The following ATRX variants were observed in gnomAD, a reference collection of about 807,000 sequenced individuals.
The protein encoded by ATRX is chromatin remodeler ATRX.
A neutral mutation model predicts 172.6 loss-of-function variants in ATRX; 12 were observed. The observed-to-expected ratio is 0.07, with a 90% confidence interval of 0.04 to 0.11. The LOEUF is 0.11. Ranked by LOEUF, ATRX falls within the 10% of genes least tolerant of loss-of-function variation. The pLI is 1.00. For synonymous variants in ATRX, 674 were observed against 594.7 expected (o/e 1.13, Z -1.94); for missense variants, 1,368 against 1,767.4 (o/e 0.77, Z 4.05).
In ATRX at chrX:77,506,232, C is replaced by G. The variant is rs1193222099; in HGVS notation, c.*2119G>C. 1 of 170,218 alleles carries G rather than the reference C, an allele frequency of 5.9e-6. No homozygotes were observed. The highest frequency in any genetic ancestry group is 1.1e-5 in the Non-Finnish European group (1 of 89,020). The allele number at this position is 170,218 out of a possible 1,213,427, so 14.0% of individuals were successfully genotyped here. On this transcript the variant is annotated 3_prime_UTR_variant, in exon 35 of 35. Coordinates refer to ENST00000373344, the MANE Select transcript of ATRX (RefSeq NM_000489.6). ...TATTTTACTGACGTGATTTTTTTGT[C>G]TTTAAATATTTGTTAAAGCTTGATG...
chrX:77,759,253 G>A (rs1434573823), intron 1 of ATRX, among the ~76,000 whole-genome samples: 1 of 110,946 alleles, frequency 9.0e-6, no homozygotes, highest in East Asian at 2.8e-4. Flanking sequence ...GCCAGTGGAA[G>A]TATAAATCAG....
chrX:77,635,941 A>C lies in ATRX; in HGVS notation c.4673T>G (p.Ile1558Ser), dbSNP rs1557107837. The C allele has an allele frequency of 8.3e-7, 1 of 1,206,759 alleles. No individual in the cohort carries two copies. The highest frequency in any genetic ancestry group is 1.1e-6 in the Non-Finnish European group (1 of 891,907). ...PLVQVHRNMV[I>S]KLKPHQVDGV... ...ATCTACTTGATGGGGTTTCAATTTG[A>C]TAACCATATTTCTATGAACCTGCAC... The change falls in exon 16 of 35, where the codon ATC (isoleucine) becomes AGC (serine). Residue 1558 changes from isoleucine to serine, a missense_variant. By Grantham distance (142) the Ile-to-Ser change is moderately radical (BLOSUM62 -2). Around this residue, in one of 17 missense-constraint regions of ATRX, gnomAD observed 27 missense variants for 110.8 expected, o/e 0.24. Transcript: ENST00000373344.
intron 27 of ATRX, among the ~76,000 whole-genome samples, chrX:77,578,957 G>A (rs2065729011): frequency 9.0e-6 from 1 of 111,454 alleles, no homozygotes; most frequent in Non-Finnish European, 1.9e-5. Context: ...ACCAAAAGCT[G>A]ACTAAATAGC....
intron 30 of ATRX, among the ~76,000 whole-genome samples, chrX:77,526,904 C>T (rs2063399952): frequency 8.9e-6 from 1 of 112,537 alleles, no homozygotes; most frequent in Non-Finnish European, 1.9e-5. Flanking sequence ...GGTTCAGCCT[C>T]TAATGATGCA....
At chrX:77,603,347 T>C (rs782074179) in intron 22 of ATRX, among the ~76,000 whole-genome samples, 4 of 110,435 alleles carry the variant, frequency 3.6e-5, no homozygotes, top group Admixed American at 9.6e-5. Context: ...TTGGGTAGTA[T>C]GGTCATTTTA....
At chrX:77,764,872 T>C (rs1196019105) in intron 1 of ATRX, among the ~76,000 whole-genome samples, 1 of 111,829 alleles carries the variant, frequency 8.9e-6, no homozygotes, top group Non-Finnish European at 1.9e-5. Context: ...ATTAGGAAAA[T>C]AAACTTTTCC....
At chrX:77,543,894 A>G (rs2064121349) in intron 30 of ATRX, among the ~76,000 whole-genome samples, 1 of 109,714 alleles carries the variant, frequency 9.1e-6, no homozygotes, top group African/African-American at 3.3e-5. Context: ...CCACTATGGC[A>G]TGTGTATAAC....
At chrX:77,679,357 C>A (rs2071068466) in intron 9 of ATRX, among the ~76,000 whole-genome samples, 1 of 111,277 alleles carries the variant, frequency 9.0e-6, no homozygotes. Flanking sequence ...GACGAATTCT[C>A]AAAGTTTCTC....
chrX:77,758,629 G>C (rs2075601864), intron 1 of ATRX, among the ~76,000 whole-genome samples: 1 of 109,394 alleles, frequency 9.1e-6, no homozygotes, highest in South Asian at 3.9e-4. Flanking sequence ...GTGGTGGCAT[G>C]CTCCTGTAAT....
chrX:77,664,753 C>T lies in ATRX; in HGVS notation c.3835G>A (p.Glu1279Lys), dbSNP rs2148498376. Residue 1279 changes from glutamate to lysine, a missense_variant, in exon 11 of 35, where the codon GAA becomes AAA. Glu to Lys is a moderately conservative substitution (Grantham distance 56, BLOSUM62 1). Coordinates refer to ENST00000373344, the MANE Select transcript of ATRX (RefSeq NM_000489.6). ...NRIAKKMLLE[E>K]IKANLSSDED... ...TCAGAGGAAAGATTGGCTTTAATTT[C>T]TTCTAAAAGCATCTTCTTGGCAATT... 1 of 1,205,509 alleles carries T rather than the reference C, an allele frequency of 8.3e-7. No homozygotes were observed. The highest frequency in any genetic ancestry group is 1.1e-6 in the Non-Finnish European group (1 of 891,250).
chrX:77,640,214 T>C (rs944071655), intron 15 of ATRX, among the ~76,000 whole-genome samples: 12 of 111,515 alleles, frequency 1.1e-4, no homozygotes, highest in Admixed American at 1.0e-3. Flanking sequence ...TGAACAACTA[T>C]TGGGTACTAT....
intron 28 of ATRX, among the ~76,000 whole-genome samples, chrX:77,566,903 T>C (rs2065218678): frequency 8.9e-6 from 1 of 112,156 alleles, no homozygotes; most frequent in Admixed American, 9.5e-5. Context: ...TTATATTCTA[T>C]GGTTGAAGAA....
intron 28 of ATRX, among the ~76,000 whole-genome samples, chrX:77,569,097 G>C (rs1292998129): frequency 9.1e-6 from 1 of 110,485 alleles, no homozygotes; most frequent in Non-Finnish European, 1.9e-5. Context: ...CATGGTGATA[G>C]ACAGAAACCT....
At chrX:77,563,702 C>CGTGT (rs201190876) in intron 28 of ATRX, among the ~76,000 whole-genome samples, 13,257 of 95,352 alleles carry the variant, frequency 0.14, 877 homozygotes, top group Non-Finnish European at 0.18. Context: ...TGTGTACATG[C>CGTGT]GTGTGTGTGT....
intron 15 of ATRX, among the ~76,000 whole-genome samples, chrX:77,647,303 C>T (rs782620139): frequency 9.0e-6 from 1 of 111,702 alleles, no homozygotes; most frequent in African/African-American, 3.3e-5. Context: ...TAAAGGCATA[C>T]AGTAGAAAAG....
intron 2 of ATRX, among the ~76,000 whole-genome samples, chrX:77,705,987 T>G (rs1557156798): frequency 1.8e-5 from 2 of 109,956 alleles, no homozygotes; most frequent in African/African-American, 6.6e-5. Flanking sequence ...GCTGATTTTT[T>G]TTTTAATTTT....
At chrX:77,696,288 C>T (rs1281078301) in intron 5 of ATRX, among the ~76,000 whole-genome samples, 1 of 111,630 alleles carries the variant, frequency 9.0e-6, no homozygotes, top group African/African-American at 3.2e-5. Flanking sequence ...AATTTTTAAA[C>T]CTGCTTACAC....
chrX:77,550,400 T>C (rs1557055375), intron 30 of ATRX, among the ~76,000 whole-genome samples: 1 of 111,806 alleles, frequency 8.9e-6, no homozygotes, highest in Non-Finnish European at 1.9e-5. Context: ...GAAAAGGCCT[T>C]TGACAAAATT....
At chrX:77,692,465 C>T (rs781844937) in intron 6 of ATRX, among the ~76,000 whole-genome samples, 10 of 111,320 alleles carry the variant, frequency 9.0e-5, no homozygotes, top group East Asian at 2.8e-4. Flanking sequence ...ATTATTTAAT[C>T]GGAAAATGAA....
Sources: gnomAD v4.1 joint callset for allele counts (sites outside exome capture counted in the v4.1 genomes callset) on GRCh38, gnomAD v4.1.1 for gene constraint, gnomAD v4.1.1 regional missense constraint, MANE v1.5 for transcripts, NCBI Gene and HGNC (gene_info 2026-07-23, HGNC 2026-07-21) for gene names.